The following INTS10 variants were observed in gnomAD, a reference collection of about 807,000 sequenced individuals.
The protein encoded by INTS10 is chromosome 8 open reading frame 35.
INTS10 carries 44 observed loss-of-function variants against 94.4 expected under a neutral mutation model. That is an observed-to-expected ratio of 0.47 (90% CI 0.37 to 0.60). The LOEUF (loss-of-function observed/expected upper bound fraction) is 0.60, where lower values mean the gene tolerates loss of function less well. Ranked by LOEUF, INTS10 falls within the 20% of genes least tolerant of loss-of-function variation. The pLI, the probability that INTS10 is intolerant of heterozygous loss-of-function variation, is 0.00. For synonymous variants in INTS10, 341 were observed against 320.7 expected, an observed-to-expected ratio of 1.06 and a Z score of -0.68; for missense variants, 797 against 868.7, an observed-to-expected ratio of 0.92 and a Z score of 1.04.
chr8:19,851,727 C>A lies in INTS10; in HGVS notation c.2055C>A (p.Arg685=). The A allele has an allele frequency of 6.2e-7, 1 of 1,613,758 alleles. No homozygotes were observed. Among genetic ancestry groups the A allele is most frequent in the Non-Finnish European group, 8.5e-7 (1 of 1,179,640 alleles). ...FRLAMERQVS[R]CGENLMVVLH... ...TGGCCATGGAGCGCCAGGTCTCCCG[C>A]TGTGGAGAGAATCTGATGGTGGTTC... Residue 685 remains arginine (R), a synonymous_variant, in exon 17 of 17, where the codon CGC becomes CGA. Coordinates refer to ENST00000397977, the MANE Select transcript of INTS10 (RefSeq NM_018142.4). This position sits in a 1 kb window ranked among gnomAD's most constrained non-coding sequence, Gnocchi z 5.0.
chr8:19,830,806 G>A (rs970739359), intron 10 of INTS10, among the ~76,000 whole-genome samples: 5 of 152,146 alleles, frequency 3.3e-5, no homozygotes, highest in Non-Finnish European at 5.9e-5. Context: ...CCTCGTAGCT[G>A]GGACTACAGG....
In INTS10 at chr8:19,818,264, G is replaced by A. The variant is rs1229681730; in HGVS notation, c.130-11G>A. 1 of 1,613,380 alleles carries A rather than the reference G, an allele frequency of 6.2e-7. No individual in the cohort carries two copies. The highest frequency in any genetic ancestry group is 1.3e-5 in the African/African-American group (1 of 75,048). ...GGGGTGAGTGACCAGGGTGCCTGATGTGTGTTGCAGTATGAGATGTACACC... is the reference window on the plus strand; with the variant it reads ...GGGGTGAGTGACCAGGGTGCCTGATATGTGTTGCAGTATGAGATGTACACC... On this transcript the variant is annotated splice_polypyrimidine_tract_variant and intron_variant, in intron 1 of 16. Transcript: ENST00000397977.
Position 19,833,329 on chromosome 8 carries a change from C to A in INTS10, c.1530+8C>A, listed in dbSNP as rs778540729. On this transcript the variant is annotated splice_region_variant and intron_variant, in intron 12 of 16. Transcript: ENST00000397977. The stretch of plus-strand genomic sequence containing the variant: ...GCGCTAGGGGAGTACAGAGTGAGTA[C>A]TGCACACATACATGCCTGCCGCAGG... 19 of 1,578,430 alleles carry A rather than the reference C, an allele frequency of 1.2e-5. No individual in the cohort carries two copies. In the Middle Eastern group the frequency reaches 6.8e-4, roughly 56 times the overall value.
chr8:19,837,287 T>A, intron 13 of INTS10, 127 bp downstream of exon 13: 2 of 682,274 alleles, frequency 2.9e-6, no homozygotes, highest in South Asian at 3.3e-5. Flanking sequence ...CCCAGGAGTT[T>A]GAGACCAGCC....
At chr8:19,850,251 C>T (rs2068921381) in intron 16 of INTS10, among the ~76,000 whole-genome samples, 1 of 152,174 alleles carries the variant, frequency 6.6e-6, no homozygotes, top group Non-Finnish European at 1.5e-5. Context: ...GAGGCTGCAG[C>T]CTGGGACCCA....
chr8:19,829,773 A>G lies in INTS10; in HGVS notation c.1141-633A>G, dbSNP rs563685532. Among the ~76,000 whole-genome samples, 6 of 152,218 alleles carry G rather than the reference A, an allele frequency of 3.9e-5. No individual in the cohort carries two copies. In the East Asian group the frequency reaches 7.7e-4, roughly 20 times the overall value. On this transcript the variant is annotated intron_variant, in intron 9 of 16. Coordinates refer to ENST00000397977, the MANE Select transcript of INTS10 (RefSeq NM_018142.4). ...AACCTCTGCCTCCCGGGCTTAAGAA[A>G]TTCTTGTGTCTCAACCTCCTGAGTA...
intron 13 of INTS10, among the ~76,000 whole-genome samples, chr8:19,842,371 G>A (rs984762092): frequency 1.4e-4 from 21 of 152,140 alleles, no homozygotes; most frequent in Non-Finnish European, 2.9e-4. Context: ...ACAATCCATT[G>A]TTGTTTACGT....
Position 19,851,759 on chromosome 8 carries a change from G to A in INTS10, c.2087G>A (p.Arg696Lys). The A allele has an allele frequency of 6.2e-7, 1 of 1,614,162 alleles. No homozygotes were observed. The highest frequency in any genetic ancestry group is 2.2e-5 in the East Asian group (1 of 44,878). ...GAGAATCTGATGGTGGTTCTGCACA[G>A]GTTCTGCATTAATGAGAAGATCTTG... ...CGENLMVVLHRFCINEKILLL... is the reference protein window; with the variant it reads ...CGENLMVVLHKFCINEKILLL... The change falls in exon 17 of 17, where the codon AGG (arginine) becomes AAG (lysine). Residue 696 changes from arginine to lysine, a missense_variant. Around this residue, in one of 3 missense-constraint regions of INTS10, gnomAD observed 47 missense variants for 41.8 expected, o/e 1.12. Coordinates refer to ENST00000397977, the MANE Select transcript of INTS10 (RefSeq NM_018142.4). The surrounding 1 kb of genome is among the most constrained non-coding windows in gnomAD (Gnocchi z 5.0).
At chr8:19,827,995 G>A (rs1043663827) in intron 9 of INTS10, among the ~76,000 whole-genome samples, 4 of 151,944 alleles carry the variant, frequency 2.6e-5, no homozygotes, top group Non-Finnish European at 5.9e-5. Context: ...AGGATCACCA[G>A]CCCAGGAGTT....
chr8:19,819,282 C>A (rs902739421), intron 2 of INTS10, among the ~76,000 whole-genome samples: 1 of 152,150 alleles, frequency 6.6e-6, no homozygotes, highest in Non-Finnish European at 1.5e-5. Flanking sequence ...TTTGCCTTTG[C>A]CTATTTTTTC....
At position 19,823,903 on chromosome 8, in the gene INTS10, C is replaced by G. The variant is rs749703834; in HGVS notation, c.695C>G (p.Pro232Arg). ...GAQDTSDLMSPSKRSSQKYII... is the reference protein window; with the variant it reads ...GAQDTSDLMSRSKRSSQKYII... ...CAGGATACATCTGATTTAATGTCAC[C>G]TAGCAAACGTAGCTCTCAGAAGTAC... The change falls in exon 7 of 17, where the codon CCT (proline) becomes CGT (arginine). Residue 232 changes from proline (P) to arginine (R), a missense_variant. Physicochemically the swap from Pro to Arg is moderately radical, Grantham distance 103. Around this residue, in one of 3 missense-constraint regions of INTS10, gnomAD observed 734 missense variants for 787.8 expected, o/e 0.93. Transcript: ENST00000397977. The G allele has an allele frequency of 1.2e-6, 2 of 1,609,572 alleles. No individual in the cohort carries two copies. Among genetic ancestry groups the G allele is most frequent in the East Asian group, 4.5e-5 (2 of 44,784 alleles).
In INTS10 at chr8:19,851,830, G is replaced by C. The variant is rs1022375870; in HGVS notation, c.*25G>C. 9.3e-6 allele frequency: 15 copies of C among 1,608,584 alleles called. No individual in the cohort carries two copies. Among genetic ancestry groups the C allele is most frequent in the Non-Finnish European group, 1.3e-5 (15 of 1,175,350 alleles). On this transcript the variant is annotated 3_prime_UTR_variant, in exon 17 of 17. Coordinates refer to ENST00000397977, the MANE Select transcript of INTS10 (RefSeq NM_018142.4). The surrounding 1 kb of genome is among the most constrained non-coding windows in gnomAD (Gnocchi z 5.0). ...AGTGGAGACCTTTCCACCAGACACA[G>C]CTCGGGCCTGTGTAATTGTAGGAGA... is the stretch of plus-strand genomic sequence containing the variant.
At chr8:19,830,629 G>T in intron 10 of INTS10, 70 bp downstream of exon 10, 1 of 1,395,620 alleles carries the variant, frequency 7.2e-7, no homozygotes, top group East Asian at 2.3e-5. Context: ...TCAAATGTCA[G>T]GTCACTTACG....
intron 3 of INTS10, among the ~76,000 whole-genome samples, 198 bp downstream of exon 3, chr8:19,819,874 T>C (rs371550744): frequency 6.6e-6 from 1 of 152,228 alleles, no homozygotes; most frequent in African/African-American, 2.4e-5. Context: ...TATGGATTTA[T>C]CAGTGAGACG....
chr8:19,823,209 T>C, intron 5 of INTS10, 92 bp from the exon 6 acceptor site: 1 of 936,924 alleles, frequency 1.1e-6, no homozygotes, highest in Non-Finnish European at 1.7e-6. Flanking sequence ...TTTTAGATAC[T>C]ACATCAAATG....
At chr8:19,823,143 T>G (rs1186126256) in intron 5 of INTS10, among the ~76,000 whole-genome samples, 158 bp from the exon 6 acceptor site, 1 of 152,144 alleles carries the variant, frequency 6.6e-6, no homozygotes, top group Non-Finnish European at 1.5e-5. Flanking sequence ...CACTGGTGTC[T>G]CTCTGCACAG....
At chr8:19,817,829 A>C (rs1256992854) in intron 1 of INTS10, among the ~76,000 whole-genome samples, 163 bp downstream of exon 1, 3 of 113,070 alleles carry the variant, frequency 2.7e-5, no homozygotes, top group African/African-American at 1.0e-4. Context: ...CCCATCCTAC[A>C]CCTTGCTCCT....
Position 19,827,287 on chromosome 8 carries a change from G to A in INTS10, c.1140+728G>A, listed in dbSNP as rs532647761. On this transcript the variant is annotated intron_variant, in intron 9 of 16. Transcript: ENST00000397977. ...TTTCCCTTGGATCTCTGCCTGGCTA[G>A]GTCCTTGTCACTTGGTCCCAGCCCA... Among the ~76,000 whole-genome samples the A allele has an allele frequency of 2.0e-3, 305 of 152,282 alleles. 1 individual carries two copies. The highest frequency in any genetic ancestry group is 3.2e-3 in the Non-Finnish European group (217 of 68,024).
rs1159888591 is a variant in INTS10, at chr8:19,846,639, G to T, written c.1976+842G>T. Among the ~76,000 whole-genome samples the T allele has an allele frequency of 1.3e-5, 2 of 152,208 alleles. No individual in the cohort carries two copies. The highest frequency in any genetic ancestry group is 2.4e-5 in the African/African-American group (1 of 41,446). On this transcript the variant is annotated intron_variant, in intron 16 of 16. Transcript: ENST00000397977. This position sits in a 1 kb window ranked among gnomAD's most constrained non-coding sequence, Gnocchi z 4.2. ...CACACCTGTCCCAAGAAATGATGGT[G>T]GGAGTGGTTGGTCTCCACCATGCTC...
Sources: gnomAD v4.1 joint callset for allele counts (sites outside exome capture counted in the v4.1 genomes callset) on GRCh38, gnomAD v4.1.1 for gene constraint, gnomAD v4.1.1 regional missense constraint, Gnocchi (gnomAD v3.1) non-coding constraint, MANE v1.5 for transcripts, NCBI Gene and HGNC (gene_info 2026-07-23, HGNC 2026-07-21) for gene names.